The following DCAF8 variants were observed in gnomAD, a reference collection of about 807,000 sequenced individuals.
The protein encoded by DCAF8 is DDB1 and CUL4 associated factor 8.
A neutral mutation model predicts 68.0 loss-of-function variants in DCAF8; 20 were observed. That is an observed-to-expected ratio of 0.29 (90% CI 0.21 to 0.43). The LOEUF is 0.43. DCAF8 is among the 20% of genes least tolerant of loss of function. The pLI, the probability that DCAF8 is intolerant of heterozygous loss-of-function variation, is 1.00. For missense variants in DCAF8, 460 were observed against 771.0 expected, an observed-to-expected ratio of 0.60 and a Z score of 4.78; for synonymous variants, 230 against 276.9, an observed-to-expected ratio of 0.83 and a Z score of 1.68.
At chr1:160,242,268 C>G (rs1349787784) in intron 3 of DCAF8, among the ~76,000 whole-genome samples, 1 of 146,552 alleles carries the variant, frequency 6.8e-6, no homozygotes, top group South Asian at 2.1e-4. Flanking sequence ...AAAGCCTCAA[C>G]TAAGAGCACA....
chr1:160,240,019 C>T lies in DCAF8; in HGVS notation c.401G>A (p.Arg134Gln), dbSNP rs1656039777. 1.9e-6 allele frequency: 3 copies of T among 1,614,126 alleles called. No homozygotes were observed. The highest frequency in any genetic ancestry group is 1.3e-5 in the African/African-American group (1 of 74,946). ...NRDQDSSDDERALEDWVSSET... is the reference protein window; with the variant it reads ...NRDQDSSDDEQALEDWVSSET... ...TGAGGACACCCAGTCCTCTAGGGCC[C>T]GCTCATCATCTGATGAGTCCTGGTC... The change falls in exon 4 of 14, where the codon CGG (arginine) becomes CAG (glutamine). Residue 134 changes from arginine to glutamine, a missense_variant. Arg to Gln is a conservative substitution (Grantham distance 43). Around this residue, in one of 8 missense-constraint regions of DCAF8, gnomAD observed 156 missense variants for 181.4 expected, o/e 0.86. Coordinates refer to ENST00000368074, the MANE Select transcript of DCAF8 (RefSeq NM_015726.4).
rs1436754829 is a variant in DCAF8 at position 160,225,577 on chromosome 1, T to C, written c.1143+14A>G. The C allele has an allele frequency of 1.9e-6, 3 of 1,608,452 alleles. No homozygotes were observed. The highest frequency in any genetic ancestry group is 2.7e-5 in the African/African-American group (2 of 74,772). On this transcript the variant is annotated intron_variant, in intron 8 of 13. Transcript: ENST00000368074. ...CAGGGAAGCCTGCAGCAACTGGCCC[T>C]TCATGAATCTTACCAGGTGATGAGG...
At position 160,239,792 on chromosome 1, in the gene DCAF8, T is replaced by C; in HGVS notation, c.628A>G (p.Ser210Gly). 6.2e-7 allele frequency: 1 copy of C among 1,614,260 alleles called. No homozygotes were observed. The highest frequency in any genetic ancestry group is 8.5e-7 in the Non-Finnish European group (1 of 1,180,032). ...HFNQRGTWLA[S>G]GSDDLKVVVW... is the part of the protein sequence containing the mutation. ...ACCACCTTCAGGTCATCGCTGCCAC[T>C]GGCCAGCCAGGTGCCGCGCTGGTTA... is the stretch of plus-strand genomic sequence containing the variant. The change falls in exon 4 of 14, where the codon AGT becomes GGT. Residue 210 changes from serine to glycine, a missense_variant. This residue lies in a region of DCAF8 where 170 missense variants were observed against 318.2 expected (regional missense o/e 0.53). Coordinates refer to ENST00000368074, the MANE Select transcript of DCAF8 (RefSeq NM_015726.4).
At chr1:160,220,149 C>T (rs187685170) in intron 11 of DCAF8, 2 of 152,322 alleles carry the variant, frequency 1.3e-5, no homozygotes, top group Non-Finnish European at 2.9e-5. Flanking sequence ...AAACAGAAAC[C>T]CCGTTCTTTA....
Position 160,243,808 on chromosome 1 carries a change from C to CA in DCAF8, c.49+151dup. On this transcript the variant is annotated intron_variant, in intron 3 of 13. Transcript: ENST00000368074. ...GAAGAAGCAAAAGCATAATATAGTC[C>CA]AAGGTGTTTCCTGTGTAGTTTCCTA... is the stretch of plus-strand genomic sequence containing the variant. The CA allele has an allele frequency of 9.9e-6, 7 of 706,292 alleles. No homozygotes were observed. In the South Asian group the frequency reaches 1.3e-4, roughly 13 times the overall value. 43.8% of individuals were successfully genotyped at this position (706,292 alleles called of 1,614,324 possible). A position where few individuals can be genotyped will look rare whatever the true frequency, so the allele number is the denominator to read the frequency against.
At chr1:160,249,125 G>C (rs373324705) in intron 2 of DCAF8, among the ~76,000 whole-genome samples, 5 of 151,768 alleles carry the variant, frequency 3.3e-5, no homozygotes, top group African/African-American at 1.2e-4. Context: ...AGAAGGCAGA[G>C]GTTGCAAGTG....
intron 13 of DCAF8, chr1:160,218,111 T>C (rs1655183856): frequency 4.9e-6 from 3 of 616,336 alleles, no homozygotes; most frequent in Non-Finnish European, 8.7e-6. Context: ...GAAGATAGCA[T>C]TACACATGGA....
Position 160,225,649 on chromosome 1 carries a change from C to T in DCAF8, c.1085G>A (p.Arg362Lys). Residue 362 changes from arginine (R) to lysine (K), a missense_variant, in exon 8 of 14, where the codon AGG becomes AAG. Coordinates refer to ENST00000368074, the MANE Select transcript of DCAF8 (RefSeq NM_015726.4). ...ATTGTTCTCATTCTCATCAATTTTC[C>T]TCTGGTCATAAATCCTACAGTTGGA... ...RDQFVRIYDQ[R>K]KIDENENNGV... 1 of 1,613,308 alleles carries T rather than the reference C, an allele frequency of 6.2e-7. No individual in the cohort carries two copies. The highest frequency in any genetic ancestry group is 8.5e-7 in the Non-Finnish European group (1 of 1,179,378).
At position 160,225,081 on chromosome 1, in the gene DCAF8, C is replaced by T; in HGVS notation, c.1182G>A (p.Val394=). Residue 394 remains valine (V), a synonymous_variant, in exon 9 of 14, where the codon GTG becomes GTA. Coordinates refer to ENST00000368074, the MANE Select transcript of DCAF8 (RefSeq NM_015726.4). ...ACGTACCTGTGCCGTCGTGGCTGTACACAAGACAGGTGATGTTTGCTTTGG... is the reference window on the plus strand; with the variant it reads ...ACGTACCTGTGCCGTCGTGGCTGTATACAAGACAGGTGATGTTTGCTTTGG... ...SESKANITCL[V]YSHDGTELLA... 1 of 1,614,236 alleles carries T rather than the reference C, an allele frequency of 6.2e-7. No homozygotes were observed. The highest frequency in any genetic ancestry group is 8.5e-7 in the Non-Finnish European group (1 of 1,180,038).
intron 2 of DCAF8, among the ~76,000 whole-genome samples, chr1:160,256,238 T>C (rs1278111473): frequency 1.3e-5 from 2 of 152,104 alleles, no homozygotes; most frequent in African/African-American, 4.8e-5. Context: ...TTTGTTTCCA[T>C]CTCAATTTAC....
intron 7 of DCAF8, among the ~76,000 whole-genome samples, chr1:160,226,259 G>T (rs1397556703): frequency 6.6e-6 from 1 of 152,126 alleles, no homozygotes; most frequent in East Asian, 1.9e-4. Context: ...CATGCTTAAT[G>T]TAAGTCAATG....
rs1656055227 is a variant in DCAF8 at position 160,240,204 on chromosome 1, T to C, written c.216A>G (p.Ser72=). The C allele has an allele frequency of 2.5e-6, 4 of 1,614,148 alleles. No individual in the cohort carries two copies. In the African/African-American group the frequency reaches 4.0e-5, roughly 16 times the overall value. The part of the protein sequence containing the change: ...TESRGTDTES[S]GEDKDSDSME... ...TGCTGTCAGAGTCCTTATCTTCACCTGAGCTCTCTGTGTCTGTGCCTCGAC... is the reference window on the plus strand; with the variant it reads ...TGCTGTCAGAGTCCTTATCTTCACCCGAGCTCTCTGTGTCTGTGCCTCGAC... Residue 72 remains serine (S), a synonymous_variant, in exon 4 of 14, where the codon TCA becomes TCG. Transcript: ENST00000368074.
intron 11 of DCAF8, among the ~76,000 whole-genome samples, chr1:160,221,420 C>T (rs1655292581): frequency 1.3e-5 from 2 of 152,284 alleles, no homozygotes; most frequent in South Asian, 4.1e-4. Flanking sequence ...GACTCCTCTC[C>T]ATTTGTATTC....
At chr1:160,225,205 C>G in intron 8 of DCAF8, 86 bp from the exon 9 acceptor site, 4 of 1,228,492 alleles carry the variant, frequency 3.3e-6, no homozygotes, top group Non-Finnish European at 4.7e-6. Context: ...TTCAAACTCC[C>G]CTATATCTTC....
chr1:160,261,110 C>G (rs1055098755), intron 2 of DCAF8, among the ~76,000 whole-genome samples, 175 bp downstream of exon 2: 1 of 152,122 alleles, frequency 6.6e-6, no homozygotes, highest in African/African-American at 2.4e-5. Flanking sequence ...GACAAGAAGC[C>G]CACAGACAAT....
At chr1:160,245,090 A>G (rs1432614650) in intron 2 of DCAF8, among the ~76,000 whole-genome samples, 3 of 152,116 alleles carry the variant, frequency 2.0e-5, no homozygotes, top group Non-Finnish European at 4.4e-5. Context: ...TTTCCATTAA[A>G]CCATCTCATC....
intron 6 of DCAF8, among the ~76,000 whole-genome samples, chr1:160,235,146 T>C (rs951990941): frequency 4.6e-5 from 7 of 152,184 alleles, no homozygotes; most frequent in Non-Finnish European, 1.0e-4. Context: ...ATTTTGGTTT[T>C]TTTTTTTGAG....
rs1655113893 is a variant in DCAF8 at position 160,216,287 on chromosome 1, CAG to C, written c.*1303_*1304del. The C allele has an allele frequency of 6.6e-6, 1 of 152,030 alleles. No individual in the cohort carries two copies. The highest frequency in any genetic ancestry group is 2.4e-5 in the African/African-American group (1 of 41,382). 9.4% of individuals were successfully genotyped at this position (152,030 alleles called of 1,614,324 possible). A position where few individuals can be genotyped will look rare whatever the true frequency, so the allele number is the denominator to read the frequency against. On this transcript the variant is annotated 3_prime_UTR_variant, in exon 14 of 14. Transcript: ENST00000368074. Reference sequence around the variant, plus strand: ...ATCAAGCAGCTAAAGGTAAGAGAGACAGAGTGAGAGAGTGTGTATGTATGTGT... The same window carrying C: ...ATCAAGCAGCTAAAGGTAAGAGAGACAGTGAGAGAGTGTGTATGTATGTGT...
chr1:160,262,266 A>G, intron 1 of DCAF8, 183 bp downstream of exon 1: 1 of 399,106 alleles, frequency 2.5e-6, no homozygotes, highest in Non-Finnish European at 4.4e-6. Flanking sequence ...AGCCGGAACG[A>G]GACACAGACC....
Sources: gnomAD v4.1 joint callset for allele counts (sites outside exome capture counted in the v4.1 genomes callset) on GRCh38, gnomAD v4.1.1 for gene constraint, gnomAD v4.1.1 regional missense constraint, MANE v1.5 for transcripts, NCBI Gene and HGNC (gene_info 2026-07-23, HGNC 2026-07-21) for gene names.